The following ERC1 variants were observed in gnomAD, a reference collection of about 807,000 sequenced individuals.
ERC1 encodes RAB6 interacting protein 2.
A neutral mutation model predicts 132.0 loss-of-function variants in ERC1; 56 were observed. The ratio of observed to expected loss-of-function variants is 0.42; its 90% CI spans 0.34 to 0.53. The LOEUF (loss-of-function observed/expected upper bound fraction) is 0.53. ERC1 is among the 20% of genes least tolerant of loss of function. The probability of loss-of-function intolerance (pLI) is 0.03; values close to 1 mark genes in which losing one functional copy is unlikely to be tolerated. For missense variants in ERC1, 1,202 were observed against 1,349.9 expected, an observed-to-expected ratio of 0.89 and a Z score of 1.72; for synonymous variants, 478 against 476.1, an observed-to-expected ratio of 1.00 and a Z score of -0.05.
intron 17 of ERC1, among the ~76,000 whole-genome samples, chr12:1,415,762 C>T (rs930166830): frequency 1.3e-5 from 2 of 152,142 alleles, no homozygotes; most frequent in Non-Finnish European, 2.9e-5. Flanking sequence ...AGGAAGAATT[C>T]GATCCTCTAT....
chr12:1,345,060 G>T (rs539311057), intron 15 of ERC1, among the ~76,000 whole-genome samples: 2 of 152,092 alleles, frequency 1.3e-5, no homozygotes, highest in South Asian at 2.1e-4. Flanking sequence ...AGGTAAGCAG[G>T]ATTCCTGTCA....
intron 4 of ERC1, among the ~76,000 whole-genome samples, chr12:1,108,486 A>G (rs73039008): frequency 0.047 from 7,114 of 152,252 alleles, 255 homozygotes; most frequent in Middle Eastern, 0.1. Context: ...CTGATGACAG[A>G]GGAGAACTTA....
rs2093116059 is a variant in ERC1 at position 1,440,603 on chromosome 12, TGTGTGTGTGTG to T, written c.3025-3958_3025-3948del. Among the ~76,000 whole-genome samples the T allele has an allele frequency of 8.0e-4, 12 of 15,090 alleles. 3 individuals carry two copies. The highest frequency in any genetic ancestry group is 1.8e-3 in the African/African-American group (12 of 6,610). 9.9% of individuals were successfully genotyped at this position (15,090 alleles called of 152,430 possible). A position where few individuals can be genotyped will look rare whatever the true frequency, so the allele number is the denominator to read the frequency against. On this transcript the variant is annotated intron_variant, in intron 17 of 18. Transcript: ENST00000360905. ...GCAATCCCCCTGCCTCAGCCTTTTGTGTGTGTGTGTGTGTGTGTGTGTGTGTGTGTGTGTGT... is the reference window on the plus strand; with the variant it reads ...GCAATCCCCCTGCCTCAGCCTTTTGTTGTGTGTGTGTGTGTGTGTGTGTGT...
At position 1,365,757 on chromosome 12, in the gene ERC1, C is replaced by T. The variant is rs147168900; in HGVS notation, c.2781-6076C>T. ...TTTCAAGTTTAGGAACCAAGACTCT[C>T]GAAGGAAGACATTTTTTAAAATGTA... is the stretch of plus-strand genomic sequence containing the variant. On this transcript the variant is annotated intron_variant, in intron 15 of 18. Coordinates refer to ENST00000360905, the MANE Select transcript of ERC1 (RefSeq NM_178040.4). Among the ~76,000 whole-genome samples, 213 of 152,168 alleles carry T rather than the reference C, an allele frequency of 1.4e-3. 1 individual carries two copies. Among genetic ancestry groups the T allele is most frequent in the African/African-American group, 4.8e-3 (199 of 41,504 alleles).
At chr12:1,124,376 A>G (rs183993639) in intron 7 of ERC1, among the ~76,000 whole-genome samples, 12 of 152,326 alleles carry the variant, frequency 7.9e-5, no homozygotes, top group African/African-American at 2.6e-4. Flanking sequence ...ATAAGTATAT[A>G]ATCTTGAAAC....
chr12:1,218,120 C>T (rs1201129532), intron 12 of ERC1, among the ~76,000 whole-genome samples: 1 of 152,178 alleles, frequency 6.6e-6, no homozygotes, highest in Non-Finnish European at 1.5e-5. Flanking sequence ...AAGTTTCTGG[C>T]TTCACTTGAT....
At chr12:1,415,711 A>G (rs1031203829) in intron 17 of ERC1, among the ~76,000 whole-genome samples, 1 of 152,218 alleles carries the variant, frequency 6.6e-6, no homozygotes, top group African/African-American at 2.4e-5. Context: ...CCAAAAACCA[A>G]TTTGGGCCAA....
In ERC1 at chr12:1,167,717, C is replaced by CTT. The variant is rs755716154; in HGVS notation, c.1738-12809_1738-12808dup. Among the ~76,000 whole-genome samples the CTT allele has an allele frequency of 5.1e-5, 7 of 136,406 alleles. No homozygotes were observed. In the South Asian group the frequency reaches 1.2e-3, roughly 23 times the overall value. The allele number at this position is 136,406 out of a possible 152,430, so 89.5% of individuals were successfully genotyped here. ...GATCTTTGGGCTTCTTTTTTCTTTT[C>CTT]TTTTTTTTTTTTTTTCCGAGATGGA... On this transcript the variant is annotated intron_variant, in intron 8 of 18. Transcript: ENST00000360905.
chr12:1,118,279 G>A (rs576616888), intron 7 of ERC1, among the ~76,000 whole-genome samples: 43 of 152,282 alleles, frequency 2.8e-4, no homozygotes, highest in African/African-American at 1.0e-3. Context: ...GTTGGTTAAT[G>A]ATAATGCAAA....
chr12:1,119,807 C>T (rs545480010), intron 7 of ERC1, among the ~76,000 whole-genome samples: 2 of 152,166 alleles, frequency 1.3e-5, no homozygotes, highest in African/African-American at 2.4e-5. Flanking sequence ...TCCTCAGCCA[C>T]CCAAAGTGCT....
At chr12:1,059,290 T>G (rs531831641) in intron 2 of ERC1, among the ~76,000 whole-genome samples, 8 of 152,354 alleles carry the variant, frequency 5.3e-5, no homozygotes, top group African/African-American at 1.7e-4. Flanking sequence ...ACAGGGACAT[T>G]TGACTGCCTC....
At chr12:1,096,329 T>A (rs1157209833) in intron 3 of ERC1, among the ~76,000 whole-genome samples, 3 of 152,246 alleles carry the variant, frequency 2.0e-5, no homozygotes, top group African/African-American at 4.8e-5. Context: ...AATTGTGTGT[T>A]ATTTTTTAAA....
At chr12:1,145,856 T>A (rs1950294835) in intron 8 of ERC1, among the ~76,000 whole-genome samples, 1 of 152,174 alleles carries the variant, frequency 6.6e-6, no homozygotes, top group South Asian at 2.1e-4. Flanking sequence ...TGTTTTTGTT[T>A]ACTTTGTCAA....
chr12:1,357,316 A>C (rs1371804326), intron 15 of ERC1, among the ~76,000 whole-genome samples: 2 of 152,210 alleles, frequency 1.3e-5, no homozygotes, highest in Non-Finnish European at 2.9e-5. Flanking sequence ...GCACAGGCTA[A>C]AGAAAGGCGA....
At chr12:1,016,562 G>A (rs1412270561) in intron 1 of ERC1, among the ~76,000 whole-genome samples, 1 of 151,768 alleles carries the variant, frequency 6.6e-6, no homozygotes, top group Admixed American at 6.6e-5. Context: ...GGATTTCTGT[G>A]GGGTGAGGCG....
At chr12:1,178,112 T>A (rs566645651) in intron 8 of ERC1, among the ~76,000 whole-genome samples, 1 of 152,232 alleles carries the variant, frequency 6.6e-6, no homozygotes, top group Non-Finnish European at 1.5e-5. Context: ...CTTCAGCATA[T>A]TCACATACCC....
At chr12:1,251,178 A>T (rs1412333681) in intron 13 of ERC1, among the ~76,000 whole-genome samples, 1 of 151,986 alleles carries the variant, frequency 6.6e-6, no homozygotes. Context: ...TGCCAGGGGG[A>T]TAATTATTTA....
At chr12:1,385,029 T>C (rs781614226) in intron 16 of ERC1, among the ~76,000 whole-genome samples, 1 of 152,246 alleles carries the variant, frequency 6.6e-6, no homozygotes, top group Non-Finnish European at 1.5e-5. Context: ...ATATGCACTT[T>C]ACGAGTACAC....
At chr12:1,235,874 A>G (rs1165903437) in intron 12 of ERC1, among the ~76,000 whole-genome samples, 2 of 152,204 alleles carry the variant, frequency 1.3e-5, no homozygotes, top group African/African-American at 4.8e-5. Flanking sequence ...TAGCAGCATT[A>G]TTTAAAATGG....
Sources: gnomAD v4.1 joint callset for allele counts (sites outside exome capture counted in the v4.1 genomes callset) on GRCh38, gnomAD v4.1.1 for gene constraint, MANE v1.5 for transcripts, NCBI Gene and HGNC (gene_info 2026-07-23, HGNC 2026-07-21) for gene names.